Variants in ERBIN observed in about 807,000 individuals in gnomAD.
The protein encoded by ERBIN is densin-180-like protein.
In ERBIN, 60 loss-of-function variants were observed where a neutral mutation model predicts 158.4. The observed-to-expected ratio is 0.38, with a 90% CI of 0.31 to 0.47. The LOEUF is 0.47. Among genes scored for constraint, ERBIN ranks in the 20% least tolerant of loss-of-function variants. The pLI is 0.99. For synonymous variants in ERBIN, 594 were observed against 557.2 expected (o/e 1.07, Z -0.93); for missense variants, 1,610 against 1,648.0 (o/e 0.98, Z 0.40).
chr5:66,078,376 T>C (rs1762204637), intron 25 of ERBIN, 47 bp from the exon 26 acceptor site: 1 of 1,202,466 alleles, frequency 8.3e-7, no homozygotes, highest in Non-Finnish European at 1.2e-6. Flanking sequence ...GAAATGCAAA[T>C]AAATAACTAT....
chr5:65,955,407 A>T (rs1561291260), intron 1 of ERBIN, among the ~76,000 whole-genome samples: 1 of 152,182 alleles, frequency 6.6e-6, no homozygotes, highest in African/African-American at 2.4e-5. Context: ...AGGTGTGCGG[A>T]TCACTTGAGG....
At chr5:65,942,475 G>A (rs1462093341) in intron 1 of ERBIN, among the ~76,000 whole-genome samples, 7 of 152,308 alleles carry the variant, frequency 4.6e-5, no homozygotes, top group East Asian at 1.9e-4. Context: ...TTTGGCGGAC[G>A]CCAGTTTGTT....
chr5:65,977,151 T>C (rs1301743053), intron 1 of ERBIN, among the ~76,000 whole-genome samples: 114 of 57,582 alleles, frequency 2.0e-3, no homozygotes, highest in African/African-American at 5.3e-3. Context: ...GGGGGCTGAC[T>C]CCCCCACCTC....
chr5:65,980,513 C>G (rs1561326518), intron 1 of ERBIN, among the ~76,000 whole-genome samples: 1 of 152,130 alleles, frequency 6.6e-6, no homozygotes, highest in Non-Finnish European at 1.5e-5. Context: ...TATGAAAGAT[C>G]TAAGCCCACC....
chr5:65,992,148 G>A (rs548982809), intron 2 of ERBIN, among the ~76,000 whole-genome samples: 6 of 152,074 alleles, frequency 3.9e-5, no homozygotes, highest in Admixed American at 2.6e-4. Flanking sequence ...CAGACTCAAA[G>A]CACAGTTTTT....
intron 1 of ERBIN, among the ~76,000 whole-genome samples, chr5:65,937,520 C>G (rs1046354919): frequency 2.6e-5 from 4 of 152,126 alleles, no homozygotes; most frequent in African/African-American, 9.7e-5. Flanking sequence ...CCTCTCTCCC[C>G]TTCATTGTAT....
intron 1 of ERBIN, among the ~76,000 whole-genome samples, chr5:65,967,922 T>A (rs1315530340): frequency 6.6e-6 from 1 of 152,134 alleles, no homozygotes; most frequent in Non-Finnish European, 1.5e-5. Context: ...TCGGTAAGAC[T>A]TGAGTTTCCT....
At chr5:66,018,143 CTG>C (rs1754996213) in intron 7 of ERBIN, among the ~76,000 whole-genome samples, 1 of 151,578 alleles carries the variant, frequency 6.6e-6, no homozygotes, top group South Asian at 2.1e-4. Context: ...CTTAGCATCA[CTG>C]TGGTTATTTG....
At chr5:66,002,507 T>C (rs946258490) in intron 4 of ERBIN, among the ~76,000 whole-genome samples, 2 of 152,154 alleles carry the variant, frequency 1.3e-5, no homozygotes, top group African/African-American at 2.4e-5. Context: ...AATTCTCTTA[T>C]ATGAACATAA....
At chr5:65,967,438 A>G (rs940777294) in intron 1 of ERBIN, among the ~76,000 whole-genome samples, 8 of 151,756 alleles carry the variant, frequency 5.3e-5, no homozygotes, top group South Asian at 2.1e-4. Context: ...CACTGTTTCT[A>G]TGTTTAGATA....
rs554316245 is a variant in ERBIN, at chr5:66,013,309, A to AT, written c.387-236dup. Reference sequence around the variant, plus strand: ...ATTCATAGTTGACTGTTTTGTTCATATTTTACATTATTAAAACAAATATTA... The same window carrying AT: ...ATTCATAGTTGACTGTTTTGTTCATATTTTTACATTATTAAAACAAATATTA... On this transcript the variant is annotated intron_variant, in intron 5 of 25. Transcript: ENST00000284037. Among the ~76,000 whole-genome samples the AT allele has an allele frequency of 1.3e-4, 20 of 152,248 alleles. No homozygotes were observed. In the South Asian group the frequency reaches 4.1e-3, roughly 32 times the overall value.
At chr5:65,986,974 T>TA (rs1267754118) in intron 1 of ERBIN, among the ~76,000 whole-genome samples, 1 of 152,194 alleles carries the variant, frequency 6.6e-6, no homozygotes, top group Non-Finnish European at 1.5e-5. Flanking sequence ...CTTGTTGACT[T>TA]ACGGTAATAG....
At chr5:66,016,385 G>GAA (rs1328738221) in intron 7 of ERBIN, among the ~76,000 whole-genome samples, 1 of 152,138 alleles carries the variant, frequency 6.6e-6, no homozygotes, top group Non-Finnish European at 1.5e-5. Context: ...ATTCAAATTA[G>GAA]ACTCTCAGTG....
In ERBIN at chr5:66,041,936, A is replaced by T. The variant is rs1757957703; in HGVS notation, c.1307-1141A>T. 2.6e-5 allele frequency among the ~76,000 whole-genome samples: 4 copies of T among 152,144 alleles called. No homozygotes were observed. In the South Asian group the frequency reaches 8.3e-4, roughly 32 times the overall value. Reference sequence around the variant, plus strand: ...TTAAAAAAGCAATTATAAGGGAAAAAAAATCTTGAATGGAGTAATGAAAAC... The same window carrying T: ...TTAAAAAAGCAATTATAAGGGAAAATAAATCTTGAATGGAGTAATGAAAAC... On this transcript the variant is annotated intron_variant, in intron 15 of 25. Transcript: ENST00000284037.
chr5:65,980,033 G>A lies in ERBIN; in HGVS notation c.-57-8602G>A, dbSNP rs528985134. On this transcript the variant is annotated intron_variant, in intron 1 of 25. Transcript: ENST00000284037. ...ATTTCTAGAGCAACCAAAAATGTAGGATAGCTAAAAGTCCACAAAAGGAGA... is the reference window on the plus strand; with the variant it reads ...ATTTCTAGAGCAACCAAAAATGTAGAATAGCTAAAAGTCCACAAAAGGAGA... Among the ~76,000 whole-genome samples the A allele has an allele frequency of 2.2e-4, 33 of 152,246 alleles. No homozygotes were observed. In the South Asian group the frequency reaches 6.8e-3, roughly 32 times the overall value.
At chr5:65,932,760 A>G (rs1430603155) in intron 1 of ERBIN, among the ~76,000 whole-genome samples, 2 of 152,174 alleles carry the variant, frequency 1.3e-5, no homozygotes, top group Non-Finnish European at 2.9e-5. Context: ...TTTTTGGAAC[A>G]GAGTTTCTAA....
chr5:65,966,435 CTT>C (rs1041089599), intron 1 of ERBIN, among the ~76,000 whole-genome samples: 8 of 152,112 alleles, frequency 5.3e-5, no homozygotes, highest in African/African-American at 1.4e-4. Context: ...AATCCCAGCA[CTT>C]TGGGAGGCCA....
chr5:66,057,949 G>A (rs187420504), intron 21 of ERBIN, among the ~76,000 whole-genome samples: 26 of 151,394 alleles, frequency 1.7e-4, no homozygotes, highest in African/African-American at 3.9e-4. Context: ...GGACATTTGC[G>A]TTGGTTCCAA....
At chr5:65,958,397 TCACTCGCGGTTAGGAG>T (rs1215007879) in intron 1 of ERBIN, among the ~76,000 whole-genome samples, 1 of 152,158 alleles carries the variant, frequency 6.6e-6, no homozygotes, top group East Asian at 1.9e-4. Context: ...GGCTGGCAGA[TCACTCGCGGTTAGGAG>T]CTGGAGACCA....
Sources: gnomAD v4.1 joint callset for allele counts (sites outside exome capture counted in the v4.1 genomes callset) on GRCh38, gnomAD v4.1.1 for gene constraint, MANE v1.5 for transcripts, NCBI Gene and HGNC (gene_info 2026-07-23, HGNC 2026-07-21) for gene names.